EP300: variants seen among roughly 807,000 people sequenced by gnomAD.
EP300 encodes the protein histone acetyltransferase p300.
A neutral mutation model predicts 264.0 loss-of-function variants in EP300; 31 were observed. The observed-to-expected ratio is 0.12, with a 90% CI of 0.09 to 0.16. The LOEUF is 0.16. Ranked by LOEUF, EP300 falls within the 10% of genes least tolerant of loss-of-function variation. EP300 has a pLI of 1.00. For missense variants in EP300, 2,766 were observed against 3,052.9 expected, an observed-to-expected ratio of 0.91 and a Z score of 2.21; for synonymous variants, 1,340 against 1,045.4, an observed-to-expected ratio of 1.28 and a Z score of -5.44.
intron 1 of EP300, among the ~76,000 whole-genome samples, chr22:41,099,127 T>G (rs1002945742): frequency 3.9e-5 from 6 of 152,114 alleles, no homozygotes; most frequent in African/African-American, 9.7e-5. Context: ...TACAGTGGCG[T>G]GATCTCGGCC....
At chr22:41,098,255 T>C (rs2058712858) in intron 1 of EP300, among the ~76,000 whole-genome samples, 1 of 152,196 alleles carries the variant, frequency 6.6e-6, no homozygotes, top group East Asian at 1.9e-4. Context: ...CTGCTCACTT[T>C]CCCAGAAGCG....
Position 41,152,193 on chromosome 22 carries a change from C to A in EP300, c.2998-13C>A. On this transcript the variant is annotated splice_polypyrimidine_tract_variant and intron_variant, in intron 15 of 30. Coordinates refer to ENST00000263253, the MANE Select transcript of EP300 (RefSeq NM_001429.4). The stretch of plus-strand genomic sequence containing the variant: ...ATCTTTGGAATACTAAAAATTCTTA[C>A]GTTTTCTTTTAGTCTAAAGTGGAAG... 1.9e-6 allele frequency: 3 copies of A among 1,613,296 alleles called. No homozygotes were observed. The highest frequency in any genetic ancestry group is 2.5e-6 in the Non-Finnish European group (3 of 1,179,334).
At chr22:41,138,807 A>T (rs1018219353) in intron 8 of EP300, among the ~76,000 whole-genome samples, 1 of 152,064 alleles carries the variant, frequency 6.6e-6, no homozygotes, top group Non-Finnish European at 1.5e-5. Context: ...ATATTTTTTA[A>T]TTGACTGAGG....
At chr22:41,162,830 C>T (rs971539023) in intron 21 of EP300, 51 bp downstream of exon 21, 1 of 1,483,912 alleles carries the variant, frequency 6.7e-7, no homozygotes, top group African/African-American at 1.4e-5. Context: ...TTCTTTTTCC[C>T]TTTCATTCTC....
intron 23 of EP300, among the ~76,000 whole-genome samples, chr22:41,167,648 G>GT (rs2059146149): frequency 1.0e-5 from 1 of 99,802 alleles, no homozygotes; most frequent in Non-Finnish European, 2.0e-5. Context: ...TGTTTGGTTG[G>GT]TTGGGTTTTT....
At chr22:41,173,556 T>C (rs1040053758) in intron 28 of EP300, 67 bp from the exon 29 acceptor site, 53 of 1,517,182 alleles carry the variant, frequency 3.5e-5, no homozygotes, top group Middle Eastern at 3.6e-4. Flanking sequence ...AAGGGAGATA[T>C]TCTGTGCTAT....
chr22:41,129,167 TGG>T (rs2058901416), intron 4 of EP300, among the ~76,000 whole-genome samples: 4 of 85,804 alleles, frequency 4.7e-5, no homozygotes, highest in Admixed American at 3.5e-4. Flanking sequence ...CCCGCCACCA[TGG>T]CGGCTAATTT....
intron 22 of EP300, among the ~76,000 whole-genome samples, chr22:41,165,385 A>G (rs2059128583): frequency 6.6e-6 from 1 of 152,186 alleles, no homozygotes; most frequent in African/African-American, 2.4e-5. Context: ...ATTCCTCACT[A>G]CAGGAATAAC....
intron 1 of EP300, among the ~76,000 whole-genome samples, chr22:41,094,615 G>A (rs2058692037): frequency 6.6e-6 from 1 of 152,108 alleles, no homozygotes; most frequent in South Asian, 2.1e-4. Flanking sequence ...CACAAACGTC[G>A]TTGTATTCCT....
rs1569121477 is a variant in EP300, at chr22:41,177,653, A to C, written c.5942A>C (p.Glu1981Ala). Residue 1981 changes from glutamate to alanine, a missense_variant, in exon 31 of 31, where the codon GAG (glutamate) becomes GCG (alanine). Physicochemically the swap from Glu to Ala is moderately radical, Grantham distance 107 (BLOSUM62 -1). Coordinates refer to ENST00000263253, the MANE Select transcript of EP300 (RefSeq NM_001429.4). ...PMTRGPSGHL[E>A]PGMGPTGMQQ... The stretch of plus-strand genomic sequence containing the variant: ...ACCAGAGGTCCCAGTGGGCATTTGG[A>C]GCCAGGGATGGGACCGACAGGGATG... 6.2e-7 allele frequency: 1 copy of C among 1,613,868 alleles called. No homozygotes were observed. Among genetic ancestry groups the C allele is most frequent in the Non-Finnish European group, 8.5e-7 (1 of 1,180,024 alleles).
At chr22:41,127,379 T>G in intron 3 of EP300, 108 bp from the exon 4 acceptor site, 1 of 1,466,076 alleles carries the variant, frequency 6.8e-7, no homozygotes, top group Non-Finnish European at 9.4e-7. Flanking sequence ...GAGTCTGGCT[T>G]ATAGTAGACT....
intron 1 of EP300, among the ~76,000 whole-genome samples, chr22:41,108,855 T>G (rs1484323001): frequency 3.9e-5 from 6 of 152,228 alleles, no homozygotes; most frequent in African/African-American, 1.4e-4. Flanking sequence ...TACTGTTTTT[T>G]AATATTTGCC....
At chr22:41,131,067 T>C (rs1233739314) in intron 5 of EP300, among the ~76,000 whole-genome samples, 1 of 152,200 alleles carries the variant, frequency 6.6e-6, no homozygotes, top group Non-Finnish European at 1.5e-5. Context: ...TCTCCTGTAG[T>C]GTAGGCAGAA....
At chr22:41,128,423 T>C (rs1442744635) in intron 4 of EP300, among the ~76,000 whole-genome samples, 1 of 152,068 alleles carries the variant, frequency 6.6e-6, no homozygotes, top group Non-Finnish European at 1.5e-5. Context: ...ATCATACCAC[T>C]GCACTCCAGC....
At chr22:41,109,411 G>C (rs2058776446) in intron 1 of EP300, among the ~76,000 whole-genome samples, 1 of 152,130 alleles carries the variant, frequency 6.6e-6, no homozygotes, top group South Asian at 2.1e-4. Context: ...CTGTACATGT[G>C]ATGTGACTAG....
In EP300 at chr22:41,178,035, G is replaced by C; in HGVS notation, c.6324G>C (p.Gln2108His). The change falls in exon 31 of 31, where the codon CAG becomes CAC. Residue 2108 changes from glutamine to histidine, a missense_variant. Coordinates refer to ENST00000263253, the MANE Select transcript of EP300 (RefSeq NM_001429.4). ...TCCCTGGGCAGCCTGGCATGCCCCA[G>C]GGGCAGCCAGGGCTACAGCCACCTA... Reference protein sequence around the residue: ...QPIPGQPGMPQGQPGLQPPTM... With the variant: ...QPIPGQPGMPHGQPGLQPPTM... The C allele has an allele frequency of 1.9e-6, 3 of 1,614,098 alleles. No homozygotes were observed. Among genetic ancestry groups the C allele is most frequent in the Non-Finnish European group, 2.5e-6 (3 of 1,179,998 alleles).
chr22:41,124,434 T>C (rs1258275102), intron 2 of EP300, among the ~76,000 whole-genome samples: 2 of 152,184 alleles, frequency 1.3e-5, no homozygotes, highest in Non-Finnish European at 2.9e-5. Flanking sequence ...TCAGTGTCCC[T>C]ACACAAAAAA....
chr22:41,163,218 G>A lies in EP300; in HGVS notation c.3728+439G>A, dbSNP rs532666061. Among the ~76,000 whole-genome samples the A allele has an allele frequency of 8.4e-3, 1,212 of 143,736 alleles. 14 individuals carry two copies. The highest frequency in any genetic ancestry group is 0.03 in the African/African-American group (1,158 of 38,814). 94.3% of individuals were successfully genotyped at this position (143,736 alleles called of 152,430 possible). A position where few individuals can be genotyped will look rare whatever the true frequency, so the allele number is the denominator to read the frequency against. Reference sequence around the variant, plus strand: ...TGGGAGGCCGAGGCGGGCAGATCACGAGGTCAGGAGATCGAGACCATCCCG... The same window carrying A: ...TGGGAGGCCGAGGCGGGCAGATCACAAGGTCAGGAGATCGAGACCATCCCG... On this transcript the variant is annotated intron_variant, in intron 21 of 30. Coordinates refer to ENST00000263253, the MANE Select transcript of EP300 (RefSeq NM_001429.4).
chr22:41,178,649 T>G lies in EP300; in HGVS notation c.6938T>G (p.Val2313Gly), dbSNP rs752964240. 6.2e-7 allele frequency: 1 copy of G among 1,614,014 alleles called. No individual in the cohort carries two copies. The highest frequency in any genetic ancestry group is 8.5e-7 in the Non-Finnish European group (1 of 1,180,010). Residue 2313 changes from valine (V) to glycine (G), a missense_variant, in exon 31 of 31, where the codon GTC becomes GGC. Val to Gly is a moderately radical substitution (Grantham distance 109). Coordinates refer to ENST00000263253, the MANE Select transcript of EP300 (RefSeq NM_001429.4). Reference sequence around the variant, plus strand: ...AATCAAGTGCGCTCTCCCCAGCCTGTCCCTTCTCCACGGCCACAGTCCCAG... The same window carrying G: ...AATCAAGTGCGCTCTCCCCAGCCTGGCCCTTCTCCACGGCCACAGTCCCAG... Reference protein sequence around the residue: ...LSNQVRSPQPVPSPRPQSQPP... With the variant: ...LSNQVRSPQPGPSPRPQSQPP...
Sources: gnomAD v4.1 joint callset for allele counts (sites outside exome capture counted in the v4.1 genomes callset) on GRCh38, gnomAD v4.1.1 for gene constraint, MANE v1.5 for transcripts, NCBI Gene and HGNC (gene_info 2026-07-23, HGNC 2026-07-21) for gene names.